DOCK9: variants seen among roughly 807,000 people sequenced by gnomAD.
The protein encoded by DOCK9 is dedicator of cytokinesis 9, also known as dedicator of cytokinesis protein 9.
In DOCK9, 89 loss-of-function variants were observed where a neutral mutation model predicts 263.3. That is an observed-to-expected ratio of 0.34 (90% CI 0.28 to 0.40). DOCK9 has a LOEUF of 0.40. Among genes scored for constraint, DOCK9 ranks in the 10% least tolerant of loss-of-function variants. The pLI is 1.00. For synonymous variants in DOCK9, 976 were observed against 973.1 expected (o/e 1.00, Z -0.06); for missense variants, 2,140 against 2,603.4 (o/e 0.82, Z 3.87).
intron 18 of DOCK9, among the ~76,000 whole-genome samples, chr13:98,887,143 A>ATATATATATATATATATATT (rs1470080750): frequency 1.0e-5 from 1 of 95,290 alleles, no homozygotes; most frequent in Non-Finnish European, 2.0e-5. Flanking sequence ...ATATATATAT[A>ATATATATATATATATATATT]TTTTTTTTTT....
intron 1 of DOCK9, among the ~76,000 whole-genome samples, chr13:99,058,413 C>T (rs150073845): frequency 0.011 from 1,735 of 152,242 alleles, 15 homozygotes; most frequent in Non-Finnish European, 0.02. Context: ...CCGCCCACCT[C>T]GGCCTCCCCA....
rs1045560132 is a variant in DOCK9, at chr13:98,829,951, A to C, written c.4636-195T>G. On this transcript the variant is annotated intron_variant, in intron 41 of 52. Coordinates refer to ENST00000682017, the MANE Select transcript of DOCK9 (RefSeq NM_001366683.2). This position sits in a 1 kb window ranked among gnomAD's most constrained non-coding sequence, Gnocchi z 4.1. ...CCTTTAAGAATAATTACAGAAAGTG[A>C]TTCTGCTATCCTTAAAAAACACTGT... 1.9e-4 allele frequency among the ~76,000 whole-genome samples: 29 copies of C among 152,338 alleles called. No individual in the cohort carries two copies. The highest frequency in any genetic ancestry group is 6.0e-4 in the African/African-American group (25 of 41,574).
chr13:98,903,091 C>G lies in DOCK9; in HGVS notation c.1057G>C (p.Glu353Gln), dbSNP rs1317160832. 3 of 1,519,384 alleles carry G rather than the reference C, an allele frequency of 2.0e-6. No homozygotes were observed. In the East Asian group the frequency reaches 7.5e-5, roughly 38 times the overall value. 94.1% of individuals were successfully genotyped at this position (1,519,384 alleles called of 1,614,324 possible). A position where few individuals can be genotyped will look rare whatever the true frequency, so the allele number is the denominator to read the frequency against. ...DAQKLDFSSA[E>Q]PEVKSFEEKF... ...TCTTCAAATGACTTCACTTCTGGCT[C>G]AGCTGATGAGAAGTCAAGCTTCTTT... Residue 353 changes from glutamate (E) to glutamine (Q), a missense_variant, in exon 11 of 53, where the codon GAG becomes CAG. Physicochemically the swap from Glu to Gln is conservative, Grantham distance 29. This residue lies in a region of DOCK9 where 1,521 missense variants were observed against 1,741.7 expected (regional missense o/e 0.87). Transcript: ENST00000682017.
intron 7 of DOCK9, among the ~76,000 whole-genome samples, chr13:98,917,550 T>C (rs1406215992): frequency 6.6e-6 from 1 of 152,130 alleles, no homozygotes; most frequent in Non-Finnish European, 1.5e-5. Context: ...CCACATTAGC[T>C]GTTGACTGAA....
intron 45 of DOCK9, among the ~76,000 whole-genome samples, chr13:98,822,478 A>G (rs1040639818): frequency 3.3e-5 from 5 of 152,150 alleles, no homozygotes; most frequent in Non-Finnish European, 5.9e-5. Context: ...TCTAATTCCA[A>G]ACAAAATGGT....
intron 15 of DOCK9, among the ~76,000 whole-genome samples, chr13:98,891,056 G>C (rs1479994401): frequency 6.6e-6 from 1 of 152,132 alleles, no homozygotes; most frequent in African/African-American, 2.4e-5. Flanking sequence ...GTTTGCCCCT[G>C]TGCCTGCGGT....
intron 1 of DOCK9, among the ~76,000 whole-genome samples, chr13:98,983,599 CCCT>C (rs1312543148): frequency 2.0e-5 from 3 of 151,226 alleles, no homozygotes; most frequent in African/African-American, 7.3e-5. Flanking sequence ...AAGTCTCATG[CCCT>C]CCTCAATTAT....
chr13:98,813,079 A>G (rs1308486694), intron 45 of DOCK9, among the ~76,000 whole-genome samples: 2 of 152,228 alleles, frequency 1.3e-5, no homozygotes, highest in Admixed American at 1.3e-4. Flanking sequence ...TGAAGAAGTT[A>G]ATTTTTGTAT....
chr13:98,829,879 G>A lies in DOCK9; in HGVS notation c.4636-123C>T. 2 of 735,308 alleles carry A rather than the reference G, an allele frequency of 2.7e-6. No individual in the cohort carries two copies. The highest frequency in any genetic ancestry group is 2.1e-5 in the Admixed American group (1 of 47,544). The allele number at this position is 735,308 out of a possible 1,614,324, so 45.5% of individuals were successfully genotyped here. On this transcript the variant is annotated intron_variant, in intron 41 of 52. Transcript: ENST00000682017. This position sits in a 1 kb window ranked among gnomAD's most constrained non-coding sequence, Gnocchi z 4.1. ...AAGTGGGGGTTGGGGGGTGCTTTGA[G>A]CAGGGGTCGCTCCGTGTAGGAAACA...
chr13:99,083,986 TCAGACA>T (rs910764311), intron 1 of DOCK9, among the ~76,000 whole-genome samples: 1 of 152,238 alleles, frequency 6.6e-6, no homozygotes, highest in African/African-American at 2.4e-5. Flanking sequence ...ACCCAAGTTA[TCAGACA>T]CAGAGTAATT....
At position 98,800,450 on chromosome 13, in the gene DOCK9, C is replaced by T; in HGVS notation, c.5754G>A (p.Lys1918=). Residue 1918 remains lysine (K), a synonymous_variant, in exon 50 of 53, where the codon AAG becomes AAA. Coordinates refer to ENST00000682017, the MANE Select transcript of DOCK9 (RefSeq NM_001366683.2). ...GGTGCTGGTACATGACAGGGATGCGCTTCTTCACATAAGGGAAGCAGTGTA... is the reference window on the plus strand; with the variant it reads ...GGTGCTGGTACATGACAGGGATGCGTTTCTTCACATAAGGGAAGCAGTGTA... The part of the protein sequence containing the change: ...TAIHCFPYVK[K]RIPVMYQHHT... 6.2e-7 allele frequency: 1 copy of T among 1,614,006 alleles called. No individual in the cohort carries two copies. The highest frequency in any genetic ancestry group is 8.5e-7 in the Non-Finnish European group (1 of 1,179,880).
chr13:98,986,719 C>T (rs1878541195), intron 1 of DOCK9, among the ~76,000 whole-genome samples: 1 of 152,156 alleles, frequency 6.6e-6, no homozygotes, highest in South Asian at 2.1e-4. Flanking sequence ...ACTTAAGAGA[C>T]CGCCAAGAAA....
chr13:99,000,198 A>T (rs774371018), intron 1 of DOCK9, among the ~76,000 whole-genome samples: 1 of 152,112 alleles, frequency 6.6e-6, no homozygotes, highest in African/African-American at 2.4e-5. Context: ...ATATGCCACA[A>T]TCCTTTTCAC....
intron 1 of DOCK9, among the ~76,000 whole-genome samples, chr13:99,007,175 G>C (rs572979111): frequency 6.6e-6 from 1 of 152,108 alleles, no homozygotes; most frequent in South Asian, 2.1e-4. Flanking sequence ...GGATCACGAG[G>C]TCAGGAGATC....
At position 98,882,287 on chromosome 13, in the gene DOCK9, C is replaced by T. The variant is rs146273251; in HGVS notation, c.2560-280G>A. Among the ~76,000 whole-genome samples the T allele has an allele frequency of 2.7e-4, 41 of 152,070 alleles. No homozygotes were observed. The East Asian group carries it at 7.4e-3, about 27-fold the overall frequency. The stretch of plus-strand genomic sequence containing the variant: ...AGGGCCATAAACCAGAAGAGGGAGA[C>T]AGAAGGGGAGAGGAGTCAGAGGGAG... On this transcript the variant is annotated intron_variant, in intron 23 of 52. Coordinates refer to ENST00000682017, the MANE Select transcript of DOCK9 (RefSeq NM_001366683.2).
chr13:98,933,810 GC>G (rs1289033641), intron 2 of DOCK9, among the ~76,000 whole-genome samples: 1 of 152,184 alleles, frequency 6.6e-6, no homozygotes, highest in African/African-American at 2.4e-5. Flanking sequence ...ATCTGGGCTG[GC>G]TTTCACCAAC....
At chr13:99,076,095 G>T (rs2041899769) in intron 1 of DOCK9, among the ~76,000 whole-genome samples, 1 of 152,038 alleles carries the variant, frequency 6.6e-6, no homozygotes, top group Non-Finnish European at 1.5e-5. Flanking sequence ...AGTCAAGAAA[G>T]AAATAGAAAG....
At chr13:98,821,299 C>T (rs117273026) in intron 45 of DOCK9, among the ~76,000 whole-genome samples, 1 of 152,200 alleles carries the variant, frequency 6.6e-6, no homozygotes, top group Non-Finnish European at 1.5e-5. Context: ...CTCCTTTCCT[C>T]CCTGCGTGGG....
intron 1 of DOCK9, among the ~76,000 whole-genome samples, chr13:99,016,258 C>T (rs1885398356): frequency 6.6e-6 from 1 of 152,122 alleles, no homozygotes; most frequent in Admixed American, 6.5e-5. Context: ...TATGGAAACA[C>T]ATGCAAGCCC....
Sources: allele counts gnomAD v4.1 joint callset (sites outside exome capture counted in the v4.1 genomes callset), GRCh38; gene constraint gnomAD v4.1.1; regional missense constraint gnomAD v4.1.1; non-coding constraint Gnocchi (gnomAD v3.1); transcripts MANE v1.5; gene names NCBI Gene and HGNC (gene_info 2026-07-23, HGNC 2026-07-21).